ENOSF1: variants seen among roughly 807,000 people sequenced by gnomAD.
ENOSF1 encodes the protein enolase superfamily member 1, also known as mitochondrial enolase superfamily member 1.
ENOSF1 carries 73 observed loss-of-function variants against 68.2 expected under a neutral mutation model. That is an observed-to-expected ratio of 1.07 (90% CI 0.89 to 1.30). ENOSF1 has a LOEUF of 1.30. ENOSF1 is among the 50% of genes most tolerant of loss of function. ENOSF1 has a pLI of 0.00. For synonymous variants in ENOSF1, 223 were observed against 210.4 expected, an observed-to-expected ratio of 1.06 and a Z score of -0.52; for missense variants, 589 against 554.5, an observed-to-expected ratio of 1.06 and a Z score of -0.62.
chr18:669,456 T>A, downstream of ENOSF1: 1 of 252,306 alleles, frequency 4.0e-6, no homozygotes, highest in African/African-American at 2.4e-5. Flanking sequence ...CACTGTAACC[T>A]CTGCCTCCTG....
downstream of ENOSF1, among the ~76,000 whole-genome samples, chr18:665,787 C>A (rs201925022): frequency 3.8e-4 from 36 of 94,868 alleles, 10 homozygotes; most frequent in East Asian, 1.2e-3. Context: ...GTAGTCATTC[C>A]GGAGCAGGTT....
At position 696,328 on chromosome 18, in the gene ENOSF1, C is replaced by T. The variant is rs539449733; in HGVS notation, c.309+912G>A. On this transcript the variant is annotated intron_variant, in intron 3 of 15. Transcript: ENST00000647584. ...CCAGGTTCACGCCGTTCTCCTGCCTCAGCCTCCTGAGTAACTGGGACTATA... is the reference window on the plus strand; with the variant it reads ...CCAGGTTCACGCCGTTCTCCTGCCTTAGCCTCCTGAGTAACTGGGACTATA... Among the ~76,000 whole-genome samples, 8 of 151,700 alleles carry T rather than the reference C, an allele frequency of 5.3e-5. 1 individual carries two copies. The South Asian group carries it at 1.5e-3, about 28-fold the overall frequency.
rs765408901 is a variant in ENOSF1 at position 712,572 on chromosome 18, T to C, written c.16A>G (p.Ile6Val). 2.0e-6 allele frequency: 3 copies of C among 1,516,926 alleles called. No individual in the cohort carries two copies. Among genetic ancestry groups the C allele is most frequent in the Non-Finnish European group, 2.6e-6 (3 of 1,133,650 alleles). 94.0% of individuals were successfully genotyped at this position (1,516,926 alleles called of 1,614,324 possible). A position where few individuals can be genotyped will look rare whatever the true frequency, so the allele number is the denominator to read the frequency against. The change falls in exon 1 of 16, where the codon ATC becomes GTC. Residue 6 changes from isoleucine to valine, a missense_variant. By Grantham distance (29) the Ile-to-Val change is conservative (BLOSUM62 3). Coordinates refer to ENST00000647584, the MANE Select transcript of ENOSF1 (RefSeq NM_017512.7). ...ACGTCCCGGACCGAGAGCCGGGAGA[T>C]CCTGCCGCGCACCATGGCCCCTGCG... is the stretch of plus-strand genomic sequence containing the variant. MVRGRISRLSVRDVRF... is the reference protein window; with the variant it reads MVRGRVSRLSVRDVRF...
At chr18:682,715 CAAAA>C (rs35814994) in intron 11 of ENOSF1, among the ~76,000 whole-genome samples, 1 of 56,668 alleles carries the variant, frequency 1.8e-5, no homozygotes, top group Non-Finnish European at 3.9e-5. Flanking sequence ...CTAAAAATAC[CAAAA>C]AAAAAAAAAA....
At chr18:709,272 G>A (rs1233796821) in intron 1 of ENOSF1, among the ~76,000 whole-genome samples, 2 of 152,116 alleles carry the variant, frequency 1.3e-5, no homozygotes, top group Non-Finnish European at 2.9e-5. Context: ...AGACCGGAAA[G>A]ACACTGAGGC....
chr18:677,221 A>G, intron 14 of ENOSF1, 124 bp downstream of exon 14: 1 of 756,144 alleles, frequency 1.3e-6, no homozygotes, highest in Non-Finnish European at 2.1e-6. Flanking sequence ...TCCGCCTGAG[A>G]GTTATAGGAC....
chr18:669,840 T>C (rs77404636), downstream of ENOSF1, among the ~76,000 whole-genome samples: 2,459 of 148,314 alleles, frequency 0.017, 162 homozygotes, highest in East Asian at 0.24. Context: ...CTCACACCTG[T>C]AATTCCAACA....
chr18:691,201 C>T lies in ENOSF1; in HGVS notation c.496+3G>A. The T allele has an allele frequency of 6.2e-7, 1 of 1,614,132 alleles. No homozygotes were observed. Among genetic ancestry groups the T allele is most frequent in the Non-Finnish European group, 8.5e-7 (1 of 1,179,980 alleles). Reference sequence around the variant, plus strand: ...GTGTATCCCAGAAAGCTTCCAAACTCACCTAGGGCATCCTCCTCAGTCAGG... The same window carrying T: ...GTGTATCCCAGAAAGCTTCCAAACTTACCTAGGGCATCCTCCTCAGTCAGG... On this transcript the variant is annotated splice_donor_region_variant and intron_variant, in intron 6 of 15. Transcript: ENST00000647584.
intron 14 of ENOSF1, among the ~76,000 whole-genome samples, chr18:677,144 T>G (rs2144581329): frequency 6.6e-6 from 1 of 152,346 alleles, no homozygotes; most frequent in African/African-American, 2.4e-5. Flanking sequence ...GTGAGTCAGC[T>G]ACCAGACCCT....
chr18:675,414 G>A lies in ENOSF1; in HGVS notation c.1149-12C>T, dbSNP rs1214513198. On this transcript the variant is annotated splice_polypyrimidine_tract_variant and intron_variant, in intron 14 of 15. Coordinates refer to ENST00000647584, the MANE Select transcript of ENOSF1 (RefSeq NM_017512.7). ...CATACTCACACACCCTAGGAGGAGGGAATCAGATCGGGGCAATGATGCCTG... is the reference window on the plus strand; with the variant it reads ...CATACTCACACACCCTAGGAGGAGGAAATCAGATCGGGGCAATGATGCCTG... The A allele has an allele frequency of 6.2e-7, 1 of 1,609,006 alleles. No individual in the cohort carries two copies. Among genetic ancestry groups the A allele is most frequent in the African/African-American group, 1.3e-5 (1 of 74,992 alleles).
At chr18:697,767 T>A (rs578183918) in intron 2 of ENOSF1, among the ~76,000 whole-genome samples, 78 of 152,270 alleles carry the variant, frequency 5.1e-4, no homozygotes, top group Non-Finnish European at 8.8e-4. Flanking sequence ...TATATTCTTT[T>A]TAAAATTGCA....
chr18:709,018 G>C (rs562381208), intron 1 of ENOSF1, among the ~76,000 whole-genome samples: 1 of 152,340 alleles, frequency 6.6e-6, no homozygotes, highest in African/African-American at 2.4e-5. Flanking sequence ...GTGACTCGAA[G>C]CTTTTGGGTC....
intron 1 of ENOSF1, 47 bp downstream of exon 1, chr18:712,457 T>C (rs566790838): frequency 1.3e-6 from 2 of 1,489,168 alleles, no homozygotes; most frequent in African/African-American, 2.9e-5. Flanking sequence ...TACCATGGCG[T>C]CCGCGCTTAC....
rs1377899807 is a variant in ENOSF1, at chr18:677,758, C to G, written c.1033G>C (p.Ala345Pro). The G allele has an allele frequency of 6.2e-7, 1 of 1,612,504 alleles. No individual in the cohort carries two copies. The highest frequency in any genetic ancestry group is 1.1e-5 in the South Asian group (1 of 90,690). ...GCACGCTTACTTTCAAACTTTTTGG[C>G]CATCAGCAATACTGAGAGGTTCTCA... ...VNENLSVLLM[A>P]KKFEIPVCPH... Residue 345 changes from alanine to proline, a missense_variant, in exon 13 of 16, where the codon GCC (alanine) becomes CCC (proline). Physicochemically the swap from Ala to Pro is conservative, Grantham distance 27 (BLOSUM62 -1). Transcript: ENST00000647584.
intron 10 of ENOSF1, 143 bp from the exon 11 acceptor site, chr18:683,523 A>T: frequency 1.1e-6 from 1 of 870,964 alleles, no homozygotes; most frequent in South Asian, 1.8e-5. Flanking sequence ...GGCCCAGCAC[A>T]CGGCCCTAAC....
intron 7 of ENOSF1, 169 bp from the exon 8 acceptor site, chr18:690,800 G>C (rs1402014443): frequency 1.4e-6 from 2 of 1,479,720 alleles, no homozygotes; most frequent in African/African-American, 2.8e-5. Flanking sequence ...AGGTGATCAG[G>C]ATACTCTCAC....
the ENOSF1 span, among the ~76,000 whole-genome samples, chr18:665,269 T>G: frequency 1.3e-5 from 2 of 151,092 alleles, no homozygotes; most frequent in East Asian, 2.0e-4. Flanking sequence ...GTCAAGGAAT[T>G]TATCCATTTC....
At chr18:701,105 GAAGT>G (rs956594368) in intron 2 of ENOSF1, among the ~76,000 whole-genome samples, 2 of 152,066 alleles carry the variant, frequency 1.3e-5, no homozygotes, top group South Asian at 2.1e-4. Flanking sequence ...GTGGGTGTCT[GAAGT>G]AAGAGTGGTG....
At chr18:681,169 C>T (rs1237310774) in intron 11 of ENOSF1, among the ~76,000 whole-genome samples, 4 of 152,006 alleles carry the variant, frequency 2.6e-5, no homozygotes, top group East Asian at 1.9e-4. Context: ...GCCACTATGC[C>T]GTTCTTTCAT....
Sources: gnomAD v4.1 joint callset for allele counts (sites outside exome capture counted in the v4.1 genomes callset) on GRCh38, gnomAD v4.1.1 for gene constraint, MANE v1.5 for transcripts, NCBI Gene and HGNC (gene_info 2026-07-23, HGNC 2026-07-21) for gene names.